SYNE1: variants seen among roughly 807,000 people sequenced by gnomAD.
SYNE1 encodes spectrin repeat containing nuclear envelope protein 1, also known as nesprin-1.
In SYNE1, 616 loss-of-function variants were observed where a neutral mutation model predicts 1,111.0. That is an observed-to-expected ratio of 0.55 (90% CI 0.52 to 0.59). The LOEUF is 0.59. Ranked by LOEUF, SYNE1 falls within the 20% of genes least tolerant of loss-of-function variation. The probability of loss-of-function intolerance (pLI) is 0.00; values close to 1 mark genes in which losing one functional copy is unlikely to be tolerated. For missense variants in SYNE1, 10,006 were observed against 10,417.0 expected, an observed-to-expected ratio of 0.96 and a Z score of 1.72; for synonymous variants, 3,855 against 3,825.8, an observed-to-expected ratio of 1.01 and a Z score of -0.28.
chr6:152,581,675 G>C (rs1055229069), intron 3 of SYNE1, among the ~76,000 whole-genome samples: 3 of 152,128 alleles, frequency 2.0e-5, no homozygotes, highest in East Asian at 1.9e-4. Flanking sequence ...ACTTTCCCTT[G>C]ATGTTTCTTA....
intron 53 of SYNE1, among the ~76,000 whole-genome samples, chr6:152,389,876 T>G (rs1484650823): frequency 6.6e-6 from 1 of 152,204 alleles, no homozygotes; most frequent in African/African-American, 2.4e-5. Flanking sequence ...GTATGACTTC[T>G]AGTTGAGGAA....
intron 10 of SYNE1, among the ~76,000 whole-genome samples, chr6:152,500,704 C>T (rs1353490620): frequency 2.6e-5 from 4 of 152,070 alleles, no homozygotes; most frequent in African/African-American, 9.7e-5. Flanking sequence ...AATCCCAGCA[C>T]TTTGGGAGGC....
At chr6:152,587,817 G>C (rs1216636582) in intron 3 of SYNE1, among the ~76,000 whole-genome samples, 1 of 152,154 alleles carries the variant, frequency 6.6e-6, no homozygotes, top group African/African-American at 2.4e-5. Flanking sequence ...ATCCAGGATA[G>C]CCATTAGTAA....
At chr6:152,602,352 G>A (rs1302241089) in intron 3 of SYNE1, among the ~76,000 whole-genome samples, 1 of 152,178 alleles carries the variant, frequency 6.6e-6, no homozygotes, top group African/African-American at 2.4e-5. Flanking sequence ...GAGATAGGAA[G>A]AAGACAGCCA....
chr6:152,493,637 A>G (rs1446316611), intron 11 of SYNE1, among the ~76,000 whole-genome samples: 4 of 152,100 alleles, frequency 2.6e-5, no homozygotes, highest in African/African-American at 7.2e-5. Context: ...TCCAACATCT[A>G]TTCTCAAAAG....
chr6:152,265,520 T>C (rs2092608809), intron 100 of SYNE1, among the ~76,000 whole-genome samples: 1 of 152,186 alleles, frequency 6.6e-6, no homozygotes, highest in African/African-American at 2.4e-5. Flanking sequence ...AATTTCTTTA[T>C]TGCTTTTTTC....
intron 87 of SYNE1, chr6:152,315,196 A>C (rs1410041729): frequency 1.6e-5 from 1 of 61,106 alleles, no homozygotes; most frequent in African/African-American, 6.6e-5. Flanking sequence ...CAGAGTAGTA[A>C]CTTTTTTTTT....
chr6:152,416,563 C>G lies in SYNE1; in HGVS notation c.5874G>C (p.Glu1958Asp). 6.2e-7 allele frequency: 1 copy of G among 1,614,116 alleles called. No homozygotes were observed. The highest frequency in any genetic ancestry group is 8.5e-7 in the Non-Finnish European group (1 of 1,180,030). The change falls in exon 41 of 146, where the codon GAG becomes GAC. Residue 1958 changes from glutamate to aspartate, a missense_variant. By Grantham distance (45) the Glu-to-Asp change is conservative. Coordinates refer to ENST00000367255, the MANE Select transcript of SYNE1 (RefSeq NM_182961.4). ...CRATADQLCG[E>D]VERIQNLLGT... ...CCAGAAGGTTCTGGATCCTCTCTAC[C>G]TCTCCACAGAGCTGATCAGCCGTGG... is the stretch of plus-strand genomic sequence containing the variant.
intron 3 of SYNE1, among the ~76,000 whole-genome samples, chr6:152,615,322 C>T (rs138447425): frequency 3.2e-4 from 48 of 152,092 alleles, no homozygotes; most frequent in African/African-American, 1.0e-3. Context: ...TATTATTAGC[C>T]GTCTTCCAAA....
intron 3 of SYNE1, among the ~76,000 whole-genome samples, chr6:152,549,265 G>A (rs970744909): frequency 6.6e-6 from 1 of 152,194 alleles, no homozygotes; most frequent in African/African-American, 2.4e-5. Flanking sequence ...CTAAAGATCA[G>A]CCCCCTGCCT....
intron 4 of SYNE1, among the ~76,000 whole-genome samples, chr6:152,530,494 A>G (rs1171531897): frequency 6.6e-6 from 1 of 150,560 alleles, no homozygotes; most frequent in African/African-American, 2.4e-5. Flanking sequence ...TTTTACTAAA[A>G]CAGTCCCCCT....
chr6:152,337,514 C>T (rs947343028), intron 75 of SYNE1, among the ~76,000 whole-genome samples: 5 of 152,196 alleles, frequency 3.3e-5, no homozygotes, highest in African/African-American at 1.2e-4. Context: ...GTCTCGAACT[C>T]CCAACCTCAG....
intron 140 of SYNE1, among the ~76,000 whole-genome samples, chr6:152,137,596 G>T (rs1408843807): frequency 6.6e-6 from 1 of 152,214 alleles, no homozygotes; most frequent in Admixed American, 6.5e-5. Context: ...CTTGAGCACA[G>T]GAGTCTGTAT....
intron 21 of SYNE1, 38 bp downstream of exon 21, chr6:152,461,559 T>C (rs756982926): frequency 1.2e-6 from 2 of 1,613,530 alleles, no homozygotes; most frequent in Non-Finnish European, 1.7e-6. Flanking sequence ...GCACTGTTGG[T>C]GTCACACAGC....
Position 152,436,110 on chromosome 6 carries a change from A to C in SYNE1, c.4150-9T>G. 6.2e-7 allele frequency: 1 copy of C among 1,613,470 alleles called. No homozygotes were observed. The highest frequency in any genetic ancestry group is 8.5e-7 in the Non-Finnish European group (1 of 1,179,880). On this transcript the variant is annotated splice_polypyrimidine_tract_variant and intron_variant, in intron 32 of 145. Coordinates refer to ENST00000367255, the MANE Select transcript of SYNE1 (RefSeq NM_182961.4). ...GTCCGTTTAGAAAACTCCTAGAAAA[A>C]ATATTATGATCATTAGGTAGGCACT...
intron 130 of SYNE1, chr6:152,168,472 AAGG>A (rs1348460553): frequency 4.8e-6 from 2 of 414,758 alleles, no homozygotes; most frequent in African/African-American, 4.0e-5. Flanking sequence ...TGTAATCTGT[AAGG>A]AGGAGGAAGC....
At chr6:152,200,142 A>G (rs2075107980) in intron 127 of SYNE1, among the ~76,000 whole-genome samples, 1 of 152,206 alleles carries the variant, frequency 6.6e-6, no homozygotes, top group South Asian at 2.1e-4. Context: ...ACCAAAAACC[A>G]ACTGTTTCAG....
intron 3 of SYNE1, among the ~76,000 whole-genome samples, chr6:152,613,742 A>T (rs951467018): frequency 6.6e-6 from 1 of 152,226 alleles, no homozygotes; most frequent in Non-Finnish European, 1.5e-5. Flanking sequence ...ACTATACTAC[A>T]AGGCCACAGT....
At chr6:152,561,288 CA>C (rs2099394402) in intron 3 of SYNE1, among the ~76,000 whole-genome samples, 1 of 151,908 alleles carries the variant, frequency 6.6e-6, no homozygotes, top group Admixed American at 6.6e-5. Flanking sequence ...TCCAAAAAGA[CA>C]TTTTTTTCAA....
Sources: gnomAD v4.1 joint callset for allele counts (sites outside exome capture counted in the v4.1 genomes callset) on GRCh38, gnomAD v4.1.1 for gene constraint, MANE v1.5 for transcripts, NCBI Gene and HGNC (gene_info 2026-07-23, HGNC 2026-07-21) for gene names.